The following MRE11 variants were observed in gnomAD, a reference collection of about 807,000 sequenced individuals.
The protein encoded by MRE11 is double-strand break repair protein MRE11.
Under a neutral mutation model 91.7 loss-of-function variants are expected in MRE11, and 62 were observed. The ratio of observed to expected loss-of-function variants is 0.68; its 90% CI spans 0.55 to 0.84. The LOEUF (loss-of-function observed/expected upper bound fraction) is 0.84. MRE11 is among the 40% of genes least tolerant of loss of function. The probability of loss-of-function intolerance (pLI) is 0.00; values close to 1 mark genes in which losing one functional copy is unlikely to be tolerated. For missense variants in MRE11, 796 were observed against 852.9 expected (o/e 0.93, Z 0.83); for synonymous variants, 273 against 271.4 (o/e 1.01, Z -0.06).
At chr11:94,457,302 G>A (rs1274560318) in intron 13 of MRE11, among the ~76,000 whole-genome samples, 1 of 152,166 alleles carries the variant, frequency 6.6e-6, no homozygotes, top group Non-Finnish European at 1.5e-5. Flanking sequence ...TAGAATGATG[G>A]GATCAGGAGC....
intron 4 of MRE11, among the ~76,000 whole-genome samples, chr11:94,481,705 T>TCAA (rs1947017653): frequency 6.6e-6 from 1 of 152,188 alleles, no homozygotes; most frequent in Non-Finnish European, 1.5e-5. Flanking sequence ...AATTCCTACA[T>TCAA]GTATTTGAGG....
chr11:94,511,392 T>G, the MRE11 span, among the ~76,000 whole-genome samples: 3 of 152,332 alleles, frequency 2.0e-5, no homozygotes, highest in East Asian at 5.8e-4. Flanking sequence ...AAACCTTTTT[T>G]CTTTATAAAT....
At chr11:94,426,429 T>TTTGTTAATTTAAATCAAATTAACAAA (rs1565199998) in intron 19 of MRE11, among the ~76,000 whole-genome samples, 11 of 20,976 alleles carry the variant, frequency 5.2e-4, no homozygotes, top group African/African-American at 1.2e-3. Flanking sequence ...AAATTAACAA[T>TTTGTTAATTTAAATCAAATTAACAAA]TTGTTAATTT....
the MRE11 span, chr11:94,512,376 T>G: frequency 1.5e-6 from 1 of 679,820 alleles, no homozygotes; most frequent in African/African-American, 1.9e-5. Flanking sequence ...GCACCTTCTT[T>G]GGTGCGCGGA....
At chr11:94,509,455 T>C in the MRE11 span, among the ~76,000 whole-genome samples, 1 of 152,180 alleles carries the variant, frequency 6.6e-6, no homozygotes, top group South Asian at 2.1e-4. Context: ...TTCTTTTTTT[T>C]CTTTTTGAGA....
At chr11:94,431,026 C>T (rs1487956056) in intron 18 of MRE11, among the ~76,000 whole-genome samples, 2 of 152,066 alleles carry the variant, frequency 1.3e-5, no homozygotes, top group African/African-American at 2.4e-5. Flanking sequence ...CCTTATCTGG[C>T]CTGTTAAGAA....
At chr11:94,460,249 C>T (rs1362128383) in intron 12 of MRE11, among the ~76,000 whole-genome samples, 2 of 152,192 alleles carry the variant, frequency 1.3e-5, no homozygotes, top group East Asian at 1.9e-4. Flanking sequence ...TTCTGACCTA[C>T]ACGACTGTAA....
intron 18 of MRE11, 55 bp from the exon 19 acceptor site, chr11:94,430,041 G>A: frequency 2.6e-6 from 4 of 1,565,098 alleles, no homozygotes; most frequent in Admixed American, 1.7e-5. Flanking sequence ...TTCATCAAGT[G>A]TGCCTTTCTG....
intron 18 of MRE11, among the ~76,000 whole-genome samples, chr11:94,431,634 G>A (rs570712419): frequency 6.6e-6 from 1 of 152,208 alleles, no homozygotes; most frequent in Non-Finnish European, 1.5e-5. Flanking sequence ...GACTAGTTGG[G>A]TGACCTTAGG....
Position 94,455,884 on chromosome 11 carries a change from GT to G in MRE11, c.1563+391del, listed in dbSNP as rs999025836. ...TCCCCACACACATACAATTAAATGG[GT>G]TTTATTTATTTTTATTTATTTATTT... On this transcript the variant is annotated intron_variant, in intron 14 of 19. Coordinates refer to ENST00000323929, the MANE Select transcript of MRE11 (RefSeq NM_005591.4). 2.0e-5 allele frequency among the ~76,000 whole-genome samples: 3 copies of G among 152,172 alleles called. 1 individual carries two copies. Among genetic ancestry groups the G allele is most frequent in the African/African-American group, 7.2e-5 (3 of 41,516 alleles).
chr11:94,503,826 CA>C, the MRE11 span, among the ~76,000 whole-genome samples: 914 of 87,190 alleles, frequency 0.01, 4 homozygotes, highest in African/African-American at 0.04. Flanking sequence ...GACTCCGTCT[CA>C]AAAAAAAAAA....
intron 5 of MRE11, 68 bp from the exon 6 acceptor site, chr11:94,478,944 C>T: frequency 6.6e-7 from 1 of 1,525,550 alleles, no homozygotes; most frequent in Non-Finnish European, 9.0e-7. Context: ...AATATCGTAT[C>T]ACCTGTTAAA....
At chr11:94,483,144 T>G (rs1015238903) in intron 4 of MRE11, among the ~76,000 whole-genome samples, 3 of 151,684 alleles carry the variant, frequency 2.0e-5, no homozygotes, top group Non-Finnish European at 2.9e-5. Flanking sequence ...AAAATTTACC[T>G]CCCAATATAA....
chr11:94,462,582 A>G (rs904741924), intron 11 of MRE11, among the ~76,000 whole-genome samples: 1 of 152,182 alleles, frequency 6.6e-6, no homozygotes, highest in African/African-American at 2.4e-5. Flanking sequence ...AAAATAAGAG[A>G]TATAGACCAA....
In MRE11 at chr11:94,416,980, CT is replaced by C. The variant is rs763481500; in HGVS notation, c.*3144del. On this transcript the variant is annotated 3_prime_UTR_variant, in exon 20 of 20. Coordinates refer to ENST00000323929, the MANE Select transcript of MRE11 (RefSeq NM_005591.4). ...AAAAAAGATATTTTACATTTAGATACTTTTTTTTTTTTTGAGATTGAGTTTC... is the reference window on the plus strand; with the variant it reads ...AAAAAAGATATTTTACATTTAGATACTTTTTTTTTTTTGAGATTGAGTTTC... The C allele has an allele frequency of 0.055, 8,107 of 146,472 alleles. 299 individuals are homozygous for C. Among genetic ancestry groups the C allele is most frequent in the Middle Eastern group, 0.13 (37 of 282 alleles). The allele number at this position is 146,472 out of a possible 1,614,324, so 9.1% of individuals were successfully genotyped here. A position where few individuals can be genotyped will look rare whatever the true frequency, so the allele number is the denominator to read the frequency against.
intron 18 of MRE11, among the ~76,000 whole-genome samples, chr11:94,431,997 G>A (rs1361377020): frequency 6.6e-6 from 1 of 151,580 alleles, no homozygotes; most frequent in Non-Finnish European, 1.5e-5. Flanking sequence ...GATCTGATTT[G>A]TGTGTGCTTC....
At position 94,418,153 on chromosome 11, in the gene MRE11, A is replaced by G. The variant is rs13447753; in HGVS notation, c.*1972T>C. 43 of 233,128 alleles carry G rather than the reference A, an allele frequency of 1.8e-4. No individual in the cohort carries two copies. Among genetic ancestry groups the G allele is most frequent in the African/African-American group, 9.0e-4 (41 of 45,480 alleles). 14.4% of individuals were successfully genotyped at this position (233,128 alleles called of 1,614,324 possible). ...AACCAACAGATTTTGCAGGATCAATATAAAATATTAAGGATATATAGCACA... is the reference window on the plus strand; with the variant it reads ...AACCAACAGATTTTGCAGGATCAATGTAAAATATTAAGGATATATAGCACA... On this transcript the variant is annotated 3_prime_UTR_variant, in exon 20 of 20. Coordinates refer to ENST00000323929, the MANE Select transcript of MRE11 (RefSeq NM_005591.4).
In MRE11 at chr11:94,443,721, C is replaced by G. The variant is rs1379430751; in HGVS notation, c.1867+2089G>C. The stretch of plus-strand genomic sequence containing the variant: ...AATTGGGTGCAATTGCATGTGAGTA[C>G]TTATTTAAGGAGAGAAGACATAGCT... On this transcript the variant is annotated intron_variant, in intron 16 of 19. Coordinates refer to ENST00000323929, the MANE Select transcript of MRE11 (RefSeq NM_005591.4). 2.6e-5 allele frequency among the ~76,000 whole-genome samples: 4 copies of G among 152,104 alleles called. No individual in the cohort carries two copies. The South Asian group carries it at 6.2e-4, about 24-fold the overall frequency.
chr11:94,467,685 C>T, intron 10 of MRE11, 128 bp downstream of exon 10: 1 of 767,132 alleles, frequency 1.3e-6, no homozygotes, highest in South Asian at 1.7e-5. Context: ...TTGTTTTTGC[C>T]TCCGATGGTG....
Sources: allele counts gnomAD v4.1 joint callset (sites outside exome capture counted in the v4.1 genomes callset), GRCh38; gene constraint gnomAD v4.1.1; transcripts MANE v1.5; gene names NCBI Gene and HGNC (gene_info 2026-07-23, HGNC 2026-07-21).